Variants in TSPAN2 observed in about 807,000 individuals in gnomAD.
The protein encoded by TSPAN2 is tetraspanin-2.
Under a neutral mutation model 33.3 loss-of-function variants are expected in TSPAN2, and 24 were observed. The ratio of observed to expected loss-of-function variants is 0.72; its 90% CI spans 0.52 to 1.01. TSPAN2 has a LOEUF of 1.01. Ranked by LOEUF, TSPAN2 falls within the 50% of genes least tolerant of loss-of-function variation. The pLI, the probability that TSPAN2 is intolerant of heterozygous loss-of-function variation, is 0.00. For synonymous variants in TSPAN2, 114 were observed against 104.5 expected, an observed-to-expected ratio of 1.09 and a Z score of -0.56; for missense variants, 278 against 281.3, an observed-to-expected ratio of 0.99 and a Z score of 0.08.
In TSPAN2 at chr1:115,049,956, A is replaced by T. The variant is rs1330351577; in HGVS notation, c.*534T>A. 6.4e-6 allele frequency: 1 copy of T among 157,410 alleles called. No individual in the cohort carries two copies. Among genetic ancestry groups the T allele is most frequent in the Non-Finnish European group, 1.4e-5 (1 of 71,762 alleles). 9.8% of individuals were successfully genotyped at this position (157,410 alleles called of 1,614,324 possible). On this transcript the variant is annotated 3_prime_UTR_variant, in exon 8 of 8. Transcript: ENST00000369516. Reference sequence around the variant, plus strand: ...TGTATTCTGGGGAGAGCATGTATATAAAAAAACCCAGGAAACCCTTACACC... The same window carrying T: ...TGTATTCTGGGGAGAGCATGTATATTAAAAAACCCAGGAAACCCTTACACC...
intron 2 of TSPAN2, among the ~76,000 whole-genome samples, chr1:115,070,207 C>T (rs1648113268): frequency 1.3e-5 from 2 of 152,152 alleles, no homozygotes; most frequent in Non-Finnish European, 2.9e-5. Flanking sequence ...CTCTGCCTCT[C>T]ACTACCTCTT....
intron 3 of TSPAN2, 43 bp from the exon 4 acceptor site, chr1:115,060,581 T>C (rs1647676159): frequency 6.7e-7 from 1 of 1,495,334 alleles, no homozygotes; most frequent in Non-Finnish European, 9.2e-7. Context: ...TTTAATACCT[T>C]TTCAATTTAT....
At chr1:115,073,097 G>A (rs767196689) in intron 1 of TSPAN2, 90 bp from the exon 2 acceptor site, 461 of 1,103,686 alleles carry the variant, frequency 4.2e-4, no homozygotes, top group Non-Finnish European at 5.9e-4. Context: ...ATGCTGACAA[G>A]GTCACCCCTT....
intron 2 of TSPAN2, among the ~76,000 whole-genome samples, chr1:115,066,895 T>A (rs373021029): frequency 1.3e-5 from 2 of 152,226 alleles, no homozygotes; most frequent in East Asian, 3.8e-4. Context: ...AATTATCCAA[T>A]GAGCATTTCC....
At chr1:115,089,306 C>T (rs1483466838) in intron 1 of TSPAN2, 58 bp downstream of exon 1, 21 of 1,386,248 alleles carry the variant, frequency 1.5e-5, no homozygotes, top group Non-Finnish European at 9.8e-7. Flanking sequence ...GGGACCCCGG[C>T]CCCGCGCCCG....
chr1:115,066,215 G>T (rs138812966), intron 2 of TSPAN2, among the ~76,000 whole-genome samples: 1 of 152,194 alleles, frequency 6.6e-6, no homozygotes, highest in African/African-American at 2.4e-5. Context: ...ACATGGGAGT[G>T]CAGATGTCTC....
intron 1 of TSPAN2, among the ~76,000 whole-genome samples, chr1:115,083,191 A>C (rs1194551945): frequency 6.6e-6 from 1 of 152,182 alleles, no homozygotes; most frequent in African/African-American, 2.4e-5. Context: ...TCAGTATAGC[A>C]TCACTTGTTT....
At chr1:115,053,505 G>A (rs1647268494) in intron 6 of TSPAN2, 43 bp from the exon 7 acceptor site, 1 of 1,509,902 alleles carries the variant, frequency 6.6e-7, no homozygotes, top group East Asian at 2.3e-5. Flanking sequence ...CTGATTGTAT[G>A]TGTCAGTCAT....
At chr1:115,078,344 C>T (rs1648496547) in intron 1 of TSPAN2, among the ~76,000 whole-genome samples, 1 of 152,162 alleles carries the variant, frequency 6.6e-6, no homozygotes, top group Non-Finnish European at 1.5e-5. Context: ...CCCCTCTGCC[C>T]TGCAGAGTGG....
At position 115,049,849 on chromosome 1, in the gene TSPAN2, G is replaced by A. The variant is rs1351175907; in HGVS notation, c.*641C>T. On this transcript the variant is annotated 3_prime_UTR_variant, in exon 8 of 8. Coordinates refer to ENST00000369516, the MANE Select transcript of TSPAN2 (RefSeq NM_005725.6). Reference sequence around the variant, plus strand: ...AAGACTTTTTTATTTTTAAATTCTAGGAAAGCATGACTTATTCAAATTGGA... The same window carrying A: ...AAGACTTTTTTATTTTTAAATTCTAAGAAAGCATGACTTATTCAAATTGGA... 1 of 152,450 alleles carries A rather than the reference G, an allele frequency of 6.6e-6. No individual in the cohort carries two copies. The highest frequency in any genetic ancestry group is 2.4e-5 in the African/African-American group (1 of 41,384). The allele number at this position is 152,450 out of a possible 1,614,324, so 9.4% of individuals were successfully genotyped here. A position where few individuals can be genotyped will look rare whatever the true frequency, so the allele number is the denominator to read the frequency against.
intron 1 of TSPAN2, among the ~76,000 whole-genome samples, chr1:115,073,531 C>G (rs957108595): frequency 3.3e-5 from 5 of 152,016 alleles, no homozygotes; most frequent in African/African-American, 1.2e-4. Context: ...ACCCACACCT[C>G]GTGAGTGCAC....
intron 1 of TSPAN2, among the ~76,000 whole-genome samples, chr1:115,087,134 G>A (rs187966151): frequency 7.6e-4 from 115 of 151,934 alleles, no homozygotes; most frequent in Admixed American, 2.7e-3. Context: ...GGCCAGGCTG[G>A]TCTCGAACTC....
chr1:115,058,433 ATGAGGGAGCTGCG>A, intron 5 of TSPAN2: 1 of 228,180 alleles, frequency 4.4e-6, no homozygotes, highest in South Asian at 6.1e-5. Flanking sequence ...CATTCTACAA[ATGAGGGAGCTGCG>A]TGGGTATCAG....
intron 6 of TSPAN2, among the ~76,000 whole-genome samples, chr1:115,056,167 A>G (rs1647411866): frequency 6.6e-6 from 1 of 152,254 alleles, no homozygotes; most frequent in Admixed American, 6.5e-5. Context: ...TCAATTTCAT[A>G]GATTAAACAA....
At chr1:115,073,097 G>T (rs767196689) in intron 1 of TSPAN2, 90 bp from the exon 2 acceptor site, 1 of 1,103,812 alleles carries the variant, frequency 9.1e-7, no homozygotes, top group Admixed American at 1.8e-5. Flanking sequence ...ATGCTGACAA[G>T]GTCACCCCTT....
chr1:115,081,782 C>T (rs891882457), intron 1 of TSPAN2, among the ~76,000 whole-genome samples: 5 of 152,158 alleles, frequency 3.3e-5, no homozygotes, highest in Admixed American at 6.5e-5. Flanking sequence ...ACCTTCAAAC[C>T]AAAAGCTTAA....
chr1:115,062,383 C>T, intron 2 of TSPAN2, 151 bp from the exon 3 acceptor site: 4 of 622,250 alleles, frequency 6.4e-6, no homozygotes, highest in Non-Finnish European at 1.1e-5. Flanking sequence ...AGGAACTGGG[C>T]CCCAAAAGGT....
intron 1 of TSPAN2, among the ~76,000 whole-genome samples, chr1:115,076,894 G>T (rs1053410094): frequency 2.0e-5 from 3 of 151,420 alleles, no homozygotes. Flanking sequence ...ATGAGAAATT[G>T]CCAGAAAGCA....
chr1:115,088,963 T>A (rs1011472811), intron 1 of TSPAN2, among the ~76,000 whole-genome samples: 3 of 152,016 alleles, frequency 2.0e-5, no homozygotes, highest in Non-Finnish European at 4.4e-5. Context: ...CAGGCCCTGG[T>A]TCCAGCTGGT....
Sources: gnomAD v4.1 joint callset for allele counts (sites outside exome capture counted in the v4.1 genomes callset) on GRCh38, gnomAD v4.1.1 for gene constraint, MANE v1.5 for transcripts, NCBI Gene and HGNC (gene_info 2026-07-23, HGNC 2026-07-21) for gene names.